Variants in DGKB observed in about 807,000 individuals in gnomAD.
The protein encoded by DGKB is diacylglycerol kinase beta.
Under a neutral mutation model 114.3 loss-of-function variants are expected in DGKB, and 67 were observed. The observed-to-expected ratio is 0.59, with a 90% CI of 0.48 to 0.72. The LOEUF is 0.72. Ranked by LOEUF, DGKB falls within the 30% of genes least tolerant of loss-of-function variation. The pLI is 0.00. For missense variants in DGKB, 907 were observed against 975.2 expected, an observed-to-expected ratio of 0.93 and a Z score of 0.93; for synonymous variants, 398 against 323.1, an observed-to-expected ratio of 1.23 and a Z score of -2.49.
intron 2 of DGKB, among the ~76,000 whole-genome samples, chr7:14,762,081 C>A (rs747496949): frequency 2.0e-5 from 3 of 152,086 alleles, no homozygotes; most frequent in Non-Finnish European, 2.9e-5. Flanking sequence ...ATTTTCCCAG[C>A]AAGTAATTTA....
At chr7:14,722,464 GA>G (rs1829331296) in intron 5 of DGKB, among the ~76,000 whole-genome samples, 1 of 152,010 alleles carries the variant, frequency 6.6e-6, no homozygotes, top group Admixed American at 6.6e-5. Context: ...GCATTGTCTG[GA>G]TGTACTACAG....
chr7:14,813,514 A>G (rs1192095984), intron 2 of DGKB, among the ~76,000 whole-genome samples: 1 of 152,188 alleles, frequency 6.6e-6, no homozygotes, highest in Non-Finnish European at 1.5e-5. Context: ...TTCTCCCCAG[A>G]GAACATTTCT....
chr7:14,536,258 TC>T (rs1406939854), intron 20 of DGKB, among the ~76,000 whole-genome samples: 1 of 152,096 alleles, frequency 6.6e-6, no homozygotes, highest in Non-Finnish European at 1.5e-5. Flanking sequence ...TTAAAAGTCT[TC>T]CAAAAATATA....
At chr7:14,411,308 T>C (rs190581516) in intron 21 of DGKB, among the ~76,000 whole-genome samples, 3 of 152,338 alleles carry the variant, frequency 2.0e-5, no homozygotes, top group Non-Finnish European at 2.9e-5. Context: ...CATTTTGTTG[T>C]AGTTTTCAAG....
intron 1 of DGKB, among the ~76,000 whole-genome samples, chr7:14,938,327 TAAG>T (rs964885736): frequency 2.6e-5 from 4 of 152,184 alleles, no homozygotes; most frequent in African/African-American, 9.7e-5. Flanking sequence ...ACAGAGCAAG[TAAG>T]AAGAGCTGGA....
chr7:14,295,259 G>C (rs1001448737), intron 23 of DGKB, among the ~76,000 whole-genome samples: 3 of 152,132 alleles, frequency 2.0e-5, no homozygotes, highest in African/African-American at 7.2e-5. Context: ...TTTGCTTTTA[G>C]TTAGCAATAT....
chr7:14,831,550 G>T (rs889463735), intron 2 of DGKB, among the ~76,000 whole-genome samples: 1 of 151,976 alleles, frequency 6.6e-6, no homozygotes, highest in Non-Finnish European at 1.5e-5. Context: ...CTCTGCTTGT[G>T]CAGATGTGAC....
intron 23 of DGKB, among the ~76,000 whole-genome samples, chr7:14,305,822 T>C (rs765806254): frequency 2.2e-4 from 34 of 152,196 alleles, no homozygotes; most frequent in Admixed American, 1.5e-3. Flanking sequence ...ACATCATAGC[T>C]TGACCAGGTC....
chr7:14,437,913 C>G (rs968623274), intron 21 of DGKB, among the ~76,000 whole-genome samples: 3 of 151,280 alleles, frequency 2.0e-5, no homozygotes, highest in Admixed American at 6.6e-5. Context: ...AATAGAAGCT[C>G]AGAGTTCAAT....
At chr7:14,492,092 G>C (rs931125502) in intron 20 of DGKB, among the ~76,000 whole-genome samples, 2 of 151,926 alleles carry the variant, frequency 1.3e-5, no homozygotes, top group African/African-American at 4.8e-5. Context: ...AAAGTGTTTT[G>C]TTTATAATGT....
intron 2 of DGKB, among the ~76,000 whole-genome samples, chr7:14,839,561 TG>T (rs1242893353): frequency 6.6e-6 from 1 of 151,894 alleles, no homozygotes; most frequent in Non-Finnish European, 1.5e-5. Flanking sequence ...GCCAGCCTGC[TG>T]GGCTAATTTT....
At chr7:14,739,909 C>T (rs985395169) in intron 4 of DGKB, among the ~76,000 whole-genome samples, 2 of 152,338 alleles carry the variant, frequency 1.3e-5, no homozygotes, top group East Asian at 1.9e-4. Flanking sequence ...AGGATAGATG[C>T]GGAAGTGGTG....
chr7:14,748,640 G>A (rs1442068792), intron 4 of DGKB, among the ~76,000 whole-genome samples: 1 of 152,150 alleles, frequency 6.6e-6, no homozygotes, highest in Non-Finnish European at 1.5e-5. Context: ...AGAGCATACA[G>A]GATATTAGAT....
At chr7:14,969,398 G>A (rs770581865) in intron 1 of DGKB, among the ~76,000 whole-genome samples, 21 of 152,062 alleles carry the variant, frequency 1.4e-4, no homozygotes, top group Non-Finnish European at 2.8e-4. Context: ...TGTAAATGTC[G>A]TAACTGTACT....
intron 8 of DGKB, among the ~76,000 whole-genome samples, chr7:14,697,322 T>C (rs1824120505): frequency 1.3e-5 from 2 of 152,036 alleles, no homozygotes; most frequent in African/African-American, 2.4e-5. Context: ...GGAAAAAAAA[T>C]AGTGTATCTA....
chr7:14,399,069 C>T (rs974877087), intron 21 of DGKB, among the ~76,000 whole-genome samples: 5 of 151,714 alleles, frequency 3.3e-5, no homozygotes, highest in South Asian at 4.2e-4. Context: ...GGAGTTTCCT[C>T]GGCGACTTAG....
At chr7:14,293,652 T>C (rs1802102548) in intron 23 of DGKB, among the ~76,000 whole-genome samples, 1 of 152,198 alleles carries the variant, frequency 6.6e-6, no homozygotes, top group Admixed American at 6.6e-5. Context: ...GTGCCTCATC[T>C]CTTCCTTGGC....
At chr7:14,626,809 A>G (rs1371010574) in intron 14 of DGKB, among the ~76,000 whole-genome samples, 1 of 152,188 alleles carries the variant, frequency 6.6e-6, no homozygotes, top group Non-Finnish European at 1.5e-5. Context: ...TAAACGATAT[A>G]AGGTCTAAAG....
chr7:14,627,703 G>C (rs889850167), intron 14 of DGKB, among the ~76,000 whole-genome samples: 4 of 151,854 alleles, frequency 2.6e-5, no homozygotes, highest in Non-Finnish European at 5.9e-5. Flanking sequence ...CAGCACTTTG[G>C]GAGGCTGAGG....
Sources: allele counts gnomAD v4.1 joint callset (sites outside exome capture counted in the v4.1 genomes callset), GRCh38; gene constraint gnomAD v4.1.1; transcripts MANE v1.5; gene names NCBI Gene and HGNC (gene_info 2026-07-23, HGNC 2026-07-21).